The following AP4E1 variants were observed in gnomAD, a reference collection of about 807,000 sequenced individuals.
AP4E1 encodes the protein AP-4 complex subunit epsilon-1.
A neutral mutation model predicts 128.2 loss-of-function variants in AP4E1; 56 were observed. That is an observed-to-expected ratio of 0.44 (90% confidence interval 0.35 to 0.55). The LOEUF (loss-of-function observed/expected upper bound fraction) is 0.55. Ranked by LOEUF, AP4E1 falls within the 20% of genes least tolerant of loss-of-function variation. The pLI, the probability that AP4E1 is intolerant of heterozygous loss-of-function variation, is 0.00. For missense variants in AP4E1, 1,324 were observed against 1,307.7 expected, an observed-to-expected ratio of 1.01 and a Z score of -0.19; for synonymous variants, 484 against 473.1, an observed-to-expected ratio of 1.02 and a Z score of -0.30.
chr15:50,931,222 C>T lies in AP4E1; in HGVS notation c.869+251C>T, dbSNP rs112426926. On this transcript the variant is annotated intron_variant, in intron 7 of 20. Transcript: ENST00000261842. ...AACACCATCTCCTCTGTGATGCTTT[C>T]GTAATTGTTCTAGTTCAGGGGTTGG... is the stretch of plus-strand genomic sequence containing the variant. Among the ~76,000 whole-genome samples, 328 of 152,236 alleles carry T rather than the reference C, an allele frequency of 2.2e-3. 2 individuals carry two copies. Among genetic ancestry groups the T allele is most frequent in the African/African-American group, 7.6e-3 (316 of 41,542 alleles).
rs114139099 is a variant in AP4E1, at chr15:50,933,647, A to G, written c.870-977A>G. 2.1e-3 allele frequency among the ~76,000 whole-genome samples: 323 copies of G among 152,262 alleles called. 2 individuals carry two copies. The highest frequency in any genetic ancestry group is 7.5e-3 in the African/African-American group (312 of 41,586). ...TCTGAGAAAGAAATGCTTACACAAT[A>G]AAACGAAGGATTTTAGAATGTGGTT... On this transcript the variant is annotated intron_variant, in intron 7 of 20. Coordinates refer to ENST00000261842, the MANE Select transcript of AP4E1 (RefSeq NM_007347.5).
intron 8 of AP4E1, among the ~76,000 whole-genome samples, chr15:50,939,044 A>G (rs989595288): frequency 2.0e-5 from 3 of 152,358 alleles, no homozygotes; most frequent in East Asian, 1.9e-4. Context: ...ATGAAACTGC[A>G]GTGTCATAAA....
At position 50,961,036 on chromosome 15, in the gene AP4E1, A is replaced by C. The variant is rs139012414; in HGVS notation, c.1851+2242A>C. Among the ~76,000 whole-genome samples the C allele has an allele frequency of 3.3e-4, 50 of 152,212 alleles. 1 individual carries two copies. The highest frequency in any genetic ancestry group is 1.1e-3 in the African/African-American group (44 of 41,574). ...ACTGGAAAACCTGATGGAAACGAAT[A>C]AATTCCTGGACACATCTACCAAGAT... is the stretch of plus-strand genomic sequence containing the variant. On this transcript the variant is annotated intron_variant, in intron 14 of 20. Coordinates refer to ENST00000261842, the MANE Select transcript of AP4E1 (RefSeq NM_007347.5).
chr15:50,949,990 T>C, intron 12 of AP4E1, 52 bp downstream of exon 12: 2 of 1,589,022 alleles, frequency 1.3e-6, no homozygotes, highest in Non-Finnish European at 1.7e-6. Flanking sequence ...TTTAATGTTT[T>C]TATTACAGAG....
At chr15:50,994,845 T>C (rs2064848208) in intron 17 of AP4E1, among the ~76,000 whole-genome samples, 1 of 152,238 alleles carries the variant, frequency 6.6e-6, no homozygotes, top group African/African-American at 2.4e-5. Context: ...CAGGGTGATA[T>C]TAGATTTTTT....
intron 14 of AP4E1, among the ~76,000 whole-genome samples, chr15:50,965,028 A>G (rs572980146): frequency 6.7e-4 from 98 of 146,936 alleles, no homozygotes; most frequent in African/African-American, 2.1e-3. Context: ...TCGCCATGTG[A>G]TGTGCTTGCT....
At chr15:50,981,311 G>A (rs2064640028) in intron 15 of AP4E1, among the ~76,000 whole-genome samples, 1 of 152,214 alleles carries the variant, frequency 6.6e-6, no homozygotes, top group South Asian at 2.1e-4. Flanking sequence ...TAATTCTGGA[G>A]CATTAAGACT....
chr15:50,966,009 C>T (rs2064387117), intron 14 of AP4E1, among the ~76,000 whole-genome samples: 1 of 152,098 alleles, frequency 6.6e-6, no homozygotes, highest in African/African-American at 2.4e-5. Flanking sequence ...CCTCTGCCTC[C>T]CGGGTTCAAG....
chr15:50,983,971 T>C (rs908129503), intron 15 of AP4E1, 51 bp from the exon 16 acceptor site: 2 of 1,588,232 alleles, frequency 1.3e-6, no homozygotes, highest in Non-Finnish European at 1.7e-6. Flanking sequence ...ACTTTGACAG[T>C]TTTTTGCTTT....
rs1254420425 is a variant in AP4E1 at position 50,960,510 on chromosome 15, T to C, written c.1851+1716T>C. 2.0e-5 allele frequency among the ~76,000 whole-genome samples: 3 copies of C among 152,076 alleles called. No homozygotes were observed. In the East Asian group the frequency reaches 5.8e-4, roughly 29 times the overall value. On this transcript the variant is annotated intron_variant, in intron 14 of 20. Transcript: ENST00000261842. ...AAATAATATGAAAATCAAAACAGCA[T>C]ATTTCTGAGTGATGATTAGGTCAGT...
intron 8 of AP4E1, among the ~76,000 whole-genome samples, chr15:50,937,946 C>A (rs931781462): frequency 2.6e-5 from 4 of 152,056 alleles, no homozygotes; most frequent in Admixed American, 6.6e-5. Context: ...ATGAGAATAT[C>A]ATTTTTAGTA....
intron 16 of AP4E1, among the ~76,000 whole-genome samples, chr15:50,984,481 T>C (rs1008681475): frequency 9.0e-6 from 1 of 111,680 alleles, no homozygotes; most frequent in African/African-American, 3.4e-5. Flanking sequence ...CAACAGGCCC[T>C]GGTGTGTGAT....
intron 16 of AP4E1, among the ~76,000 whole-genome samples, chr15:50,990,708 G>A (rs1047734306): frequency 6.6e-6 from 1 of 152,092 alleles, no homozygotes; most frequent in African/African-American, 2.4e-5. Context: ...TAGATGGTCT[G>A]TATGTATGCT....
chr15:50,924,179 T>G (rs943636046), intron 4 of AP4E1, among the ~76,000 whole-genome samples, 175 bp downstream of exon 4: 12 of 152,168 alleles, frequency 7.9e-5, no homozygotes, highest in African/African-American at 2.9e-4. Flanking sequence ...TAATAGAACT[T>G]ACAGAGTTGT....
At chr15:50,967,007 A>G (rs966220024) in intron 14 of AP4E1, among the ~76,000 whole-genome samples, 5 of 152,166 alleles carry the variant, frequency 3.3e-5, no homozygotes, top group Non-Finnish European at 7.3e-5. Flanking sequence ...CCACTTGTTT[A>G]TCTATCATTT....
intron 16 of AP4E1, among the ~76,000 whole-genome samples, chr15:50,989,285 C>CTT (rs1448498613): frequency 6.6e-6 from 1 of 152,138 alleles, no homozygotes; most frequent in Non-Finnish European, 1.5e-5. Context: ...AAAGTGACAA[C>CTT]TTTAAAGGAT....
In AP4E1 at chr15:51,003,776, T is replaced by C. The variant is rs1227927435; in HGVS notation, c.*1114T>C. The C allele has an allele frequency of 6.6e-6, 1 of 152,628 alleles. No individual in the cohort carries two copies. The highest frequency in any genetic ancestry group is 1.5e-5 in the Non-Finnish European group (1 of 68,048). The allele number at this position is 152,628 out of a possible 1,614,324, so 9.5% of individuals were successfully genotyped here. On this transcript the variant is annotated 3_prime_UTR_variant, in exon 21 of 21. Transcript: ENST00000261842. ...CTTATGGTGCTGTGGAAAATATTTA[T>C]TATTTCACCTTTTCTGACACTTCAC...
chr15:50,928,599 A>G (rs1020323447), intron 5 of AP4E1, among the ~76,000 whole-genome samples: 2 of 152,064 alleles, frequency 1.3e-5, no homozygotes, highest in Non-Finnish European at 2.9e-5. Flanking sequence ...AAAAGATTTT[A>G]ATATTACTAG....
chr15:50,930,747 G>A, intron 6 of AP4E1, 58 bp from the exon 7 acceptor site: 1 of 1,523,276 alleles, frequency 6.6e-7, no homozygotes, highest in South Asian at 1.1e-5. Context: ...ATTTCAATTA[G>A]GTCTATTTCT....
Sources: gnomAD v4.1 joint callset for allele counts (sites outside exome capture counted in the v4.1 genomes callset) on GRCh38, gnomAD v4.1.1 for gene constraint, MANE v1.5 for transcripts, NCBI Gene and HGNC (gene_info 2026-07-23, HGNC 2026-07-21) for gene names.